SRBD1: variants seen among roughly 807,000 people sequenced by gnomAD.
SRBD1 encodes S1 RNA-binding domain-containing protein 1.
SRBD1 carries 88 observed loss-of-function variants against 115.3 expected under a neutral mutation model. That is an observed-to-expected ratio of 0.76 (90% CI 0.64 to 0.91). The LOEUF is 0.91. SRBD1 is among the 40% of genes least tolerant of loss of function. SRBD1 has a pLI of 0.00. For synonymous variants in SRBD1, 509 were observed against 407.7 expected (o/e 1.25, Z -2.99); for missense variants, 1,385 against 1,177.4 (o/e 1.18, Z -2.58).
At chr2:45,571,950 G>T (rs762165559) in intron 9 of SRBD1, among the ~76,000 whole-genome samples, 1 of 152,052 alleles carries the variant, frequency 6.6e-6, no homozygotes, top group Admixed American at 6.6e-5. Flanking sequence ...AGAGAAAGGC[G>T]CAGAAAGGAT....
At chr2:45,521,075 C>A (rs1013247859) in intron 14 of SRBD1, among the ~76,000 whole-genome samples, 1 of 152,078 alleles carries the variant, frequency 6.6e-6, no homozygotes, top group Non-Finnish European at 1.5e-5. Context: ...CCGCATGCTC[C>A]CCCTCCCATA....
intron 18 of SRBD1, among the ~76,000 whole-genome samples, chr2:45,416,541 G>A (rs960088902): frequency 4.6e-5 from 7 of 152,124 alleles, no homozygotes; most frequent in Non-Finnish European, 8.8e-5. Flanking sequence ...AAATCTATAT[G>A]TAATAATTTG....
chr2:45,409,194 C>A (rs1429587896), intron 19 of SRBD1, among the ~76,000 whole-genome samples: 1 of 152,094 alleles, frequency 6.6e-6, no homozygotes, highest in African/African-American at 2.4e-5. Flanking sequence ...TGCACTCCTG[C>A]CTGGGTGACA....
chr2:45,410,031 T>A (rs1210897881), intron 19 of SRBD1, among the ~76,000 whole-genome samples: 1 of 152,196 alleles, frequency 6.6e-6, no homozygotes, highest in Non-Finnish European at 1.5e-5. Context: ...ATCTGCAGAA[T>A]ATATTAAAAC....
chr2:45,525,855 A>T (rs1325088330), intron 14 of SRBD1, among the ~76,000 whole-genome samples: 3 of 152,100 alleles, frequency 2.0e-5, no homozygotes, highest in Admixed American at 6.6e-5. Flanking sequence ...AATTGCCAAT[A>T]AGCATATGAA....
chr2:45,519,947 A>G (rs79194118), intron 14 of SRBD1, among the ~76,000 whole-genome samples: 31 of 152,334 alleles, frequency 2.0e-4, no homozygotes, highest in African/African-American at 6.5e-4. Flanking sequence ...CAAAAAGCTA[A>G]TAAGTATTGG....
At chr2:45,607,461 C>T (rs1243480320) in intron 1 of SRBD1, among the ~76,000 whole-genome samples, 1 of 152,088 alleles carries the variant, frequency 6.6e-6, no homozygotes, top group African/African-American at 2.4e-5. Context: ...AAAGGTGATT[C>T]TTTTCACACT....
intron 1 of SRBD1, among the ~76,000 whole-genome samples, chr2:45,611,007 G>T (rs549236703): frequency 6.6e-6 from 1 of 152,186 alleles, no homozygotes; most frequent in Non-Finnish European, 1.5e-5. Flanking sequence ...GCTGAAAAGA[G>T]GTGTCACGAG....
chr2:45,399,745 CT>C (rs1381008354), intron 19 of SRBD1, among the ~76,000 whole-genome samples: 1 of 152,056 alleles, frequency 6.6e-6, no homozygotes, highest in Non-Finnish European at 1.5e-5. Flanking sequence ...AGCTTTGGCT[CT>C]TTTTGAATTT....
At chr2:45,457,424 A>C (rs139738209) in intron 16 of SRBD1, among the ~76,000 whole-genome samples, 119 of 152,114 alleles carry the variant, frequency 7.8e-4, no homozygotes, top group African/African-American at 2.8e-3. Context: ...ATTTTGGCCA[A>C]CAGAGCCCTA....
At chr2:45,532,591 T>C (rs1451967789) in intron 14 of SRBD1, among the ~76,000 whole-genome samples, 4 of 151,810 alleles carry the variant, frequency 2.6e-5, no homozygotes, top group East Asian at 1.9e-4. Context: ...CCCCATGCCC[T>C]TGAAACCTAA....
intron 19 of SRBD1, among the ~76,000 whole-genome samples, chr2:45,398,799 C>T (rs1322214094): frequency 6.6e-6 from 1 of 152,090 alleles, no homozygotes; most frequent in Admixed American, 6.6e-5. Flanking sequence ...ATGCCATACA[C>T]AACCACAGTG....
chr2:45,468,473 T>C (rs920682706), intron 16 of SRBD1, among the ~76,000 whole-genome samples: 3 of 151,922 alleles, frequency 2.0e-5, no homozygotes, highest in Non-Finnish European at 2.9e-5. Context: ...ATGCAGCCTT[T>C]ATCTTCCGGG....
At chr2:45,395,328 T>C (rs993583204) in intron 19 of SRBD1, among the ~76,000 whole-genome samples, 6 of 152,184 alleles carry the variant, frequency 3.9e-5, no homozygotes, top group Non-Finnish European at 8.8e-5. Flanking sequence ...CCCAAAGCAC[T>C]GTATGAGTCT....
intron 16 of SRBD1, among the ~76,000 whole-genome samples, chr2:45,431,035 A>G (rs1283376950): frequency 6.6e-6 from 1 of 152,274 alleles, no homozygotes; most frequent in Non-Finnish European, 1.5e-5. Context: ...CAAACATGAA[A>G]AAAAGCTCAT....
At chr2:45,588,770 T>C (rs778089212) in intron 4 of SRBD1, among the ~76,000 whole-genome samples, 66 of 152,300 alleles carry the variant, frequency 4.3e-4, no homozygotes, top group African/African-American at 1.2e-3. Flanking sequence ...TTTGTAGAGG[T>C]AGAAATTCAA....
intron 2 of SRBD1, among the ~76,000 whole-genome samples, chr2:45,604,409 T>G (rs1392840590): frequency 6.6e-6 from 1 of 151,904 alleles, no homozygotes; most frequent in Admixed American, 6.6e-5. Flanking sequence ...GGGGAGGGCT[T>G]AGAATTAAGC....
At chr2:45,520,187 A>T (rs532061274) in intron 14 of SRBD1, among the ~76,000 whole-genome samples, 95 of 152,376 alleles carry the variant, frequency 6.2e-4, no homozygotes, top group Non-Finnish European at 1.1e-3. Flanking sequence ...TGAGCAGCAC[A>T]AAAACAGCAG....
intron 14 of SRBD1, among the ~76,000 whole-genome samples, chr2:45,524,008 T>C (rs2103963270): frequency 6.6e-6 from 1 of 152,068 alleles, no homozygotes; most frequent in South Asian, 2.1e-4. Context: ...CAACCAAAAA[T>C]CAATTAATAC....
Sources: allele counts gnomAD v4.1 joint callset (sites outside exome capture counted in the v4.1 genomes callset), GRCh38; gene constraint gnomAD v4.1.1; transcripts MANE v1.5; gene names NCBI Gene and HGNC (gene_info 2026-07-23, HGNC 2026-07-21).